The following C10orf67 variants were observed in gnomAD, a reference collection of about 807,000 sequenced individuals.
C10orf67 encodes the protein uncharacterized protein C10orf67, mitochondrial.
In C10orf67, 60 loss-of-function variants were observed where a neutral mutation model predicts 35.6. The observed-to-expected ratio is 1.68, with a 90% CI of 1.37 to 2.09. The LOEUF is 2.09. C10orf67 is among the 30% of genes most tolerant of loss of function. The probability of loss-of-function intolerance (pLI) is 0.00; values close to 1 mark genes in which losing one functional copy is unlikely to be tolerated. For missense variants in C10orf67, 474 were observed against 330.2 expected, an observed-to-expected ratio of 1.44 and a Z score of -3.38; for synonymous variants, 167 against 115.8, an observed-to-expected ratio of 1.44 and a Z score of -2.84.
intron 5 of C10orf67, among the ~76,000 whole-genome samples, chr10:23,292,158 C>CTTTTT (rs542812504): frequency 2.7e-4 from 19 of 69,290 alleles, no homozygotes; most frequent in African/African-American, 7.1e-4. Flanking sequence ...GACAGCTACT[C>CTTTTT]TTTTTTTTTT....
At chr10:23,262,973 C>G (rs1171808545) in intron 10 of C10orf67, among the ~76,000 whole-genome samples, 1 of 152,120 alleles carries the variant, frequency 6.6e-6, no homozygotes, top group Non-Finnish European at 1.5e-5. Context: ...AGACAAAGAT[C>G]AAGTATGATA....
chr10:23,301,935 C>T (rs574797451), intron 5 of C10orf67, among the ~76,000 whole-genome samples: 24 of 152,290 alleles, frequency 1.6e-4, no homozygotes, highest in Middle Eastern at 3.4e-3. Context: ...CGGCAATGGG[C>T]GCCCCGCTGG....
chr10:23,295,285 C>T (rs1207803597), intron 5 of C10orf67, among the ~76,000 whole-genome samples: 1 of 152,220 alleles, frequency 6.6e-6, no homozygotes, highest in Non-Finnish European at 1.5e-5. Flanking sequence ...CCCACCTGCT[C>T]TCCTTTTCAC....
At chr10:23,232,523 C>T (rs1841939518) in intron 13 of C10orf67, among the ~76,000 whole-genome samples, 1 of 152,154 alleles carries the variant, frequency 6.6e-6, no homozygotes. Flanking sequence ...TAAAAACACA[C>T]TATTCACACA....
In C10orf67 at chr10:23,266,311, G is replaced by C; in HGVS notation, c.1151C>G (p.Ala384Gly). The change falls in exon 10 of 16, where the codon GCC becomes GGC. Residue 384 changes from alanine to glycine, a missense_variant. By Grantham distance (60) the Ala-to-Gly change is moderately conservative. Coordinates refer to ENST00000636213, the MANE Select transcript of C10orf67 (RefSeq NM_001371909.1). Reference sequence around the variant, plus strand: ...CTTCTTTGGCATTTTAGCTTTCTGGGCCCCAGCAGATGATACACTCATGGT... The same window carrying C: ...CTTCTTTGGCATTTTAGCTTTCTGGCCCCCAGCAGATGATACACTCATGGT... ...SATMSVSSAGAQKAKMPKKAL... is the reference protein window; with the variant it reads ...SATMSVSSAGGQKAKMPKKAL... The C allele has an allele frequency of 2.5e-6, 1 of 398,586 alleles. No individual in the cohort carries two copies. Among genetic ancestry groups the C allele is most frequent in the Non-Finnish European group, 4.4e-6 (1 of 226,088 alleles). 24.7% of individuals were successfully genotyped at this position (398,586 alleles called of 1,614,324 possible).
intron 13 of C10orf67, 103 bp downstream of exon 13, chr10:23,239,626 A>G (rs909644224): frequency 7.4e-6 from 4 of 541,436 alleles, no homozygotes; most frequent in Non-Finnish European, 1.1e-5. Flanking sequence ...CTATCTCTAG[A>G]GCCTGTAATG....
At chr10:23,233,568 G>A (rs1486455357) in intron 13 of C10orf67, among the ~76,000 whole-genome samples, 1 of 152,188 alleles carries the variant, frequency 6.6e-6, no homozygotes, top group South Asian at 2.1e-4. Context: ...TGCTATTCAA[G>A]TAGTTGGAGA....
chr10:23,240,997 T>G (rs779313376), intron 12 of C10orf67, among the ~76,000 whole-genome samples: 1 of 152,090 alleles, frequency 6.6e-6, no homozygotes, highest in Non-Finnish European at 1.5e-5. Flanking sequence ...CTACTCAGGG[T>G]CAAACGTGCT....
Position 23,344,691 on chromosome 10 carries a change from C to T in C10orf67, c.84G>A (p.Arg28=). The change falls in exon 1 of 16, where the codon AGG becomes AGA. Residue 28 remains arginine (R), a synonymous_variant. Transcript: ENST00000636213. ...CCTCCCAGCGTGTGCCAAAGGTCCCCCTCAAGGAGGAGGAAAAGCAGTGAA... is the reference window on the plus strand; with the variant it reads ...CCTCCCAGCGTGTGCCAAAGGTCCCTCTCAAGGAGGAGGAAAAGCAGTGAA... ...RWVHCFSSSL[R]GTFGTRWEAM... The T allele has an allele frequency of 6.3e-7, 1 of 1,576,618 alleles. No individual in the cohort carries two copies. Among genetic ancestry groups the T allele is most frequent in the African/African-American group, 1.3e-5 (1 of 74,088 alleles).
chr10:23,308,211 A>G (rs1844360806), intron 4 of C10orf67, among the ~76,000 whole-genome samples: 1 of 152,120 alleles, frequency 6.6e-6, no homozygotes. Flanking sequence ...CTAATTCTGT[A>G]CCAAACCTCG....
intron 10 of C10orf67, among the ~76,000 whole-genome samples, chr10:23,259,161 C>A (rs560210901): frequency 1.3e-4 from 20 of 152,314 alleles, no homozygotes; most frequent in African/African-American, 4.6e-4. Context: ...TAAACACTTT[C>A]TCTGTTTACC....
chr10:23,272,968 T>G (rs949902238), intron 8 of C10orf67, among the ~76,000 whole-genome samples: 2 of 152,258 alleles, frequency 1.3e-5, no homozygotes, highest in Non-Finnish European at 2.9e-5. Flanking sequence ...CTGGTGTTTT[T>G]CAAAATTTCA....
chr10:23,343,171 G>A (rs1845974121), intron 1 of C10orf67, among the ~76,000 whole-genome samples: 1 of 152,210 alleles, frequency 6.6e-6, no homozygotes, highest in South Asian at 2.1e-4. Context: ...TATGGTCTGA[G>A]TGTGTCTCCT....
intron 15 of C10orf67, among the ~76,000 whole-genome samples, chr10:23,210,943 A>G (rs1841289822): frequency 6.6e-6 from 1 of 152,188 alleles, no homozygotes; most frequent in African/African-American, 2.4e-5. Context: ...CAAACTGAAA[A>G]CATACTGCCA....
At chr10:23,290,556 C>T (rs376155458) in intron 6 of C10orf67, among the ~76,000 whole-genome samples, 2 of 152,220 alleles carry the variant, frequency 1.3e-5, no homozygotes, top group African/African-American at 4.8e-5. Flanking sequence ...ATTTTTTTCT[C>T]TTTTCCACAT....
At chr10:23,212,778 TGAGAGAGAGAGAGAGAGAGAGAGA>T (rs58972226) in intron 15 of C10orf67, among the ~76,000 whole-genome samples, 28 of 101,082 alleles carry the variant, frequency 2.8e-4, no homozygotes, top group Admixed American at 1.3e-3. Flanking sequence ...AATATTGTAT[TGAGAGAGAGAGAGAGAGAGAGAGA>T]GAGAGAGAGA....
At position 23,266,139 on chromosome 10, in the gene C10orf67, C is replaced by A. The variant is rs988443005; in HGVS notation, c.1200+123G>T. On this transcript the variant is annotated intron_variant, in intron 10 of 15. Coordinates refer to ENST00000636213, the MANE Select transcript of C10orf67 (RefSeq NM_001371909.1). Reference sequence around the variant, plus strand: ...TGGTTTAGAAATAGGCAGCTGGAGCCCCCCACTCAGGGGGTGAGAACCCGG... The same window carrying A: ...TGGTTTAGAAATAGGCAGCTGGAGCACCCCACTCAGGGGGTGAGAACCCGG... The A allele has an allele frequency of 1.3e-4, 47 of 371,586 alleles. No individual in the cohort carries two copies. The Admixed American group carries it at 2.3e-3, about 18-fold the overall frequency. 23.0% of individuals were successfully genotyped at this position (371,586 alleles called of 1,614,324 possible).
At chr10:23,221,759 T>C (rs901690478) in intron 15 of C10orf67, among the ~76,000 whole-genome samples, 6 of 152,244 alleles carry the variant, frequency 3.9e-5, no homozygotes, top group Non-Finnish European at 8.8e-5. Flanking sequence ...AAATTAGTAA[T>C]TCAGCTTTCC....
At chr10:23,273,859 C>G (rs1564483626) in intron 8 of C10orf67, among the ~76,000 whole-genome samples, 1 of 152,198 alleles carries the variant, frequency 6.6e-6, no homozygotes, top group South Asian at 2.1e-4. Flanking sequence ...CTTCTGAAGT[C>G]CACGTAGTTG....
Sources: allele counts gnomAD v4.1 joint callset (sites outside exome capture counted in the v4.1 genomes callset), GRCh38; gene constraint gnomAD v4.1.1; transcripts MANE v1.5; gene names NCBI Gene and HGNC (gene_info 2026-07-23, HGNC 2026-07-21).